Variants in RPS6KC1 observed in about 807,000 individuals in gnomAD.
The protein encoded by RPS6KC1 is inactive ribosomal protein S6 kinase delta-1.
A neutral mutation model predicts 103.8 loss-of-function variants in RPS6KC1; 54 were observed. The observed-to-expected ratio is 0.52, with a 90% CI of 0.42 to 0.65. The LOEUF (loss-of-function observed/expected upper bound fraction) is 0.65. Among genes scored for constraint, RPS6KC1 ranks in the 30% least tolerant of loss-of-function variants. RPS6KC1 has a pLI of 0.00. For synonymous variants in RPS6KC1, 439 were observed against 438.7 expected (o/e 1.00, Z -0.01); for missense variants, 1,151 against 1,253.8 (o/e 0.92, Z 1.24).
At chr1:213,602,078 C>CTCTTTCTTTCTTTCTT in the RPS6KC1 span, among the ~76,000 whole-genome samples, 2 of 38,586 alleles carry the variant, frequency 5.2e-5, no homozygotes, top group African/African-American at 1.6e-4. Context: ...TTCTTTCTTT[C>CTCTTTCTTTCTTTCTT]TCTTTCTTTC....
At chr1:213,349,812 A>G in the RPS6KC1 span, among the ~76,000 whole-genome samples, 1 of 152,218 alleles carries the variant, frequency 6.6e-6, no homozygotes, top group Admixed American at 6.5e-5. Flanking sequence ...CTGGACCTGG[A>G]AGTGATGATC....
At chr1:213,590,579 G>A in the RPS6KC1 span, among the ~76,000 whole-genome samples, 1 of 152,192 alleles carries the variant, frequency 6.6e-6, no homozygotes, top group Non-Finnish European at 1.5e-5. Flanking sequence ...AAGCTGGGAT[G>A]AGCCTTCTGA....
the RPS6KC1 span, among the ~76,000 whole-genome samples, chr1:213,699,932 A>G: frequency 1.3e-5 from 2 of 151,898 alleles, no homozygotes; most frequent in East Asian, 1.9e-4. Context: ...TGAGCTCTTT[A>G]TATATTCTGG....
At chr1:213,471,506 G>T in the RPS6KC1 span, among the ~76,000 whole-genome samples, 1 of 152,130 alleles carries the variant, frequency 6.6e-6, no homozygotes, top group Non-Finnish European at 1.5e-5. Flanking sequence ...ACGACATCAA[G>T]TCCAGTTTTC....
At chr1:213,854,022 G>A in the RPS6KC1 span, among the ~76,000 whole-genome samples, 1 of 152,146 alleles carries the variant, frequency 6.6e-6, no homozygotes, top group African/African-American at 2.4e-5. Context: ...TGTAAGATGA[G>A]GCAAAAGCAA....
chr1:213,617,204 G>T, the RPS6KC1 span, among the ~76,000 whole-genome samples: 4 of 152,154 alleles, frequency 2.6e-5, no homozygotes, highest in Non-Finnish European at 4.4e-5. Context: ...ATCACTACAT[G>T]GTGGCTACTT....
chr1:213,515,969 G>A, the RPS6KC1 span, among the ~76,000 whole-genome samples: 15 of 151,888 alleles, frequency 9.9e-5, no homozygotes, highest in Admixed American at 3.9e-4. Flanking sequence ...TGGATTCCTA[G>A]GTATTTTATT....
chr1:213,567,909 C>T, the RPS6KC1 span, among the ~76,000 whole-genome samples: 1 of 152,194 alleles, frequency 6.6e-6, no homozygotes, highest in African/African-American at 2.4e-5. Flanking sequence ...TGTCAGTAAC[C>T]TTGTCCTGTA....
the RPS6KC1 span, among the ~76,000 whole-genome samples, chr1:213,811,623 C>T: frequency 7.1e-4 from 108 of 152,244 alleles, no homozygotes; most frequent in African/African-American, 2.5e-3. Flanking sequence ...GGCTTCTGAC[C>T]TTAAAGGAAA....
At chr1:213,359,827 G>C in the RPS6KC1 span, among the ~76,000 whole-genome samples, 5 of 152,208 alleles carry the variant, frequency 3.3e-5, no homozygotes, top group East Asian at 9.7e-4. Context: ...ACTTAGTTTG[G>C]CTGGATATGA....
At chr1:213,810,373 T>A in the RPS6KC1 span, among the ~76,000 whole-genome samples, 1 of 152,176 alleles carries the variant, frequency 6.6e-6, no homozygotes, top group Non-Finnish European at 1.5e-5. Context: ...AGTGTCAAAA[T>A]TATTGCTCTT....
chr1:213,529,625 C>T, the RPS6KC1 span, among the ~76,000 whole-genome samples: 3 of 152,036 alleles, frequency 2.0e-5, no homozygotes, highest in Non-Finnish European at 2.9e-5. Flanking sequence ...ACTTTTATTC[C>T]CATTTCACAG....
At chr1:213,605,852 C>T in the RPS6KC1 span, among the ~76,000 whole-genome samples, 82 of 152,128 alleles carry the variant, frequency 5.4e-4, no homozygotes, top group Admixed American at 6.5e-4. Context: ...ACCAAGGTTA[C>T]GCCAGAGGAC....
chr1:213,147,061 A>G lies in RPS6KC1; in HGVS notation c.835+17172A>G, dbSNP rs117409665. On this transcript the variant is annotated intron_variant, in intron 6 of 14. Coordinates refer to ENST00000366960, the MANE Select transcript of RPS6KC1 (RefSeq NM_012424.6). ...TTGGATTATTAGATTTTTTCCCTATAGAGTTGTTTGAGCATCTTATATATT... is the reference window on the plus strand; with the variant it reads ...TTGGATTATTAGATTTTTTCCCTATGGAGTTGTTTGAGCATCTTATATATT... Among the ~76,000 whole-genome samples, 54 of 152,214 alleles carry G rather than the reference A, an allele frequency of 3.5e-4. 1 individual carries two copies. The East Asian group carries it at 8.7e-3, about 24-fold the overall frequency.
chr1:213,236,229 T>G (rs1368992733), intron 10 of RPS6KC1, among the ~76,000 whole-genome samples: 2 of 152,146 alleles, frequency 1.3e-5, no homozygotes, highest in East Asian at 3.9e-4. Flanking sequence ...TTGTCTTCCA[T>G]GAAACTGGTC....
chr1:213,178,176 ACT>A (rs1295478967), intron 8 of RPS6KC1, among the ~76,000 whole-genome samples: 2 of 143,958 alleles, frequency 1.4e-5, no homozygotes, highest in African/African-American at 5.2e-5. Context: ...ACAGAGTGAG[ACT>A]CTGTCTCAAA....
intron 14 of RPS6KC1, among the ~76,000 whole-genome samples, chr1:213,272,320 A>G (rs1334246005): frequency 1.3e-5 from 2 of 152,234 alleles, no homozygotes; most frequent in African/African-American, 2.4e-5. Context: ...TTGAAAAGCC[A>G]TAAACTCAGT....
At chr1:213,812,200 G>A in the RPS6KC1 span, among the ~76,000 whole-genome samples, 1 of 151,992 alleles carries the variant, frequency 6.6e-6, no homozygotes, top group East Asian at 1.9e-4. Context: ...AAAGGAGGGA[G>A]GGAAAAGGAA....
chr1:213,838,979 A>G, the RPS6KC1 span, among the ~76,000 whole-genome samples: 2 of 152,320 alleles, frequency 1.3e-5, no homozygotes, highest in South Asian at 4.1e-4. Flanking sequence ...TTTTAGCAAT[A>G]TGGTGTCTGT....
Sources: allele counts gnomAD v4.1 joint callset (sites outside exome capture counted in the v4.1 genomes callset), GRCh38; gene constraint gnomAD v4.1.1; transcripts MANE v1.5; gene names NCBI Gene and HGNC (gene_info 2026-07-23, HGNC 2026-07-21).